IGF2BP3: variants seen among roughly 807,000 people sequenced by gnomAD.
IGF2BP3 encodes the protein insulin like growth factor 2 mRNA binding protein 3.
In IGF2BP3, 9 loss-of-function variants were observed where a neutral mutation model predicts 73.8. The observed-to-expected ratio is 0.12, with a 90% confidence interval of 0.07 to 0.21. IGF2BP3 has a LOEUF of 0.21. IGF2BP3 is among the 10% of genes least tolerant of loss of function. IGF2BP3 has a pLI of 1.00. For missense variants in IGF2BP3, 542 were observed against 714.0 expected (o/e 0.76, Z 2.75); for synonymous variants, 258 against 256.7 (o/e 1.01, Z -0.05).
intron 2 of IGF2BP3, among the ~76,000 whole-genome samples, chr7:23,432,200 T>C (rs1263006822): frequency 3.3e-5 from 5 of 152,170 alleles, no homozygotes; most frequent in African/African-American, 1.2e-4. Flanking sequence ...CAGACGTGCA[T>C]GGATGAAAAC....
At chr7:23,422,414 G>A (rs541061505) in intron 2 of IGF2BP3, among the ~76,000 whole-genome samples, 1 of 152,068 alleles carries the variant, frequency 6.6e-6, no homozygotes, top group Non-Finnish European at 1.5e-5. Flanking sequence ...AATTAGCGTG[G>A]TGTGGTGGCA....
At chr7:23,398,605 T>C (rs377535149) in intron 3 of IGF2BP3, among the ~76,000 whole-genome samples, 5 of 152,328 alleles carry the variant, frequency 3.3e-5, no homozygotes, top group East Asian at 1.9e-4. Flanking sequence ...GATTGCCATT[T>C]TAACTGGTAT....
chr7:23,461,756 C>T (rs975109357), intron 2 of IGF2BP3, among the ~76,000 whole-genome samples: 1 of 152,166 alleles, frequency 6.6e-6, no homozygotes, highest in Admixed American at 6.5e-5. Context: ...ACCACTACTC[C>T]ACCCTTCCTT....
intron 3 of IGF2BP3, among the ~76,000 whole-genome samples, chr7:23,366,610 T>C (rs1785380078): frequency 7.0e-6 from 1 of 143,256 alleles, no homozygotes; most frequent in African/African-American, 2.6e-5. Context: ...TTAGAAGAAA[T>C]AGGTGCAGAA....
intron 3 of IGF2BP3, among the ~76,000 whole-genome samples, chr7:23,400,821 A>T (rs1304789687): frequency 6.6e-6 from 1 of 152,156 alleles, no homozygotes; most frequent in Non-Finnish European, 1.5e-5. Flanking sequence ...TTTTTCTGAG[A>T]TGGAGCCTTG....
intron 3 of IGF2BP3, among the ~76,000 whole-genome samples, chr7:23,380,290 A>T (rs1785868521): frequency 6.6e-6 from 1 of 150,868 alleles, no homozygotes. Context: ...CAGCCTCCCG[A>T]GTACTAGGAC....
At chr7:23,396,699 G>A (rs569342796) in intron 3 of IGF2BP3, among the ~76,000 whole-genome samples, 2 of 149,426 alleles carry the variant, frequency 1.3e-5, no homozygotes, top group African/African-American at 2.4e-5. Context: ...TAAGACTGTT[G>A]GGGGGGAAAA....
chr7:23,433,573 T>C (rs759384426), intron 2 of IGF2BP3, among the ~76,000 whole-genome samples: 1 of 151,878 alleles, frequency 6.6e-6, no homozygotes, highest in Non-Finnish European at 1.5e-5. Context: ...CTCAACCTCT[T>C]GGGCTCAAGC....
chr7:23,399,061 T>C (rs888045235), intron 3 of IGF2BP3, among the ~76,000 whole-genome samples: 2 of 152,238 alleles, frequency 1.3e-5, no homozygotes, highest in Non-Finnish European at 2.9e-5. Flanking sequence ...TCTAAGTCTT[T>C]AATCCATCTT....
At chr7:23,346,173 T>C in intron 7 of IGF2BP3, 111 bp from the exon 8 acceptor site, 22 of 1,233,090 alleles carry the variant, frequency 1.8e-5, no homozygotes, top group Non-Finnish European at 2.5e-5. Flanking sequence ...TGGGAAGCAC[T>C]GTGTTAGGTA....
intron 14 of IGF2BP3, 73 bp from the exon 15 acceptor site, chr7:23,312,533 A>G (rs1783861219): frequency 1.8e-6 from 2 of 1,111,276 alleles, no homozygotes; most frequent in Non-Finnish European, 2.8e-6. Flanking sequence ...CTTCATTTCA[A>G]CAATTTCAAA....
rs1788664210 is a variant in IGF2BP3, at chr7:23,469,718, C to T, written c.175+218G>A. ...GCTTTCTTGACAGCGCGTTCGCCCT[C>T]ACCCAGCAAACCCCGGCCGGGGAAG... On this transcript the variant is annotated intron_variant, in intron 1 of 14. Transcript: ENST00000258729. This position sits in a 1 kb window ranked among gnomAD's most constrained non-coding sequence, Gnocchi z 6.1. 6.6e-6 allele frequency among the ~76,000 whole-genome samples: 1 copy of T among 151,700 alleles called. No homozygotes were observed. The highest frequency in any genetic ancestry group is 6.6e-5 in the Admixed American group (1 of 15,246).
At chr7:23,435,005 C>T (rs975766327) in intron 2 of IGF2BP3, among the ~76,000 whole-genome samples, 2 of 151,856 alleles carry the variant, frequency 1.3e-5, no homozygotes, top group Admixed American at 6.6e-5. Flanking sequence ...CACAAAAATC[C>T]TGAAAATGGG....
intron 5 of IGF2BP3, among the ~76,000 whole-genome samples, chr7:23,355,750 T>C (rs971935585): frequency 6.6e-6 from 1 of 152,046 alleles, no homozygotes; most frequent in African/African-American, 2.4e-5. Context: ...TTGGACAATA[T>C]GACAAAACTC....
chr7:23,350,368 T>A (rs765940038), intron 6 of IGF2BP3, among the ~76,000 whole-genome samples: 1 of 152,210 alleles, frequency 6.6e-6, no homozygotes, highest in Non-Finnish European at 1.5e-5. Context: ...GCTTGCACAA[T>A]GGTATTTTTG....
At chr7:23,465,583 T>A (rs918537670) in intron 2 of IGF2BP3, among the ~76,000 whole-genome samples, 43 of 152,092 alleles carry the variant, frequency 2.8e-4, no homozygotes, top group Admixed American at 1.4e-3. Context: ...TCCAATCACC[T>A]CCTGGGCCTG....
chr7:23,411,261 G>A (rs958797721), intron 3 of IGF2BP3, among the ~76,000 whole-genome samples: 4 of 152,204 alleles, frequency 2.6e-5, no homozygotes, highest in Admixed American at 2.0e-4. Context: ...ACCTCATGGT[G>A]TTAGCTTTAT....
chr7:23,406,012 G>A (rs1353482327), intron 3 of IGF2BP3, among the ~76,000 whole-genome samples: 3 of 150,108 alleles, frequency 2.0e-5, no homozygotes, highest in African/African-American at 7.4e-5. Flanking sequence ...GTTCTCTTCA[G>A]AACCTCTGGA....
intron 3 of IGF2BP3, among the ~76,000 whole-genome samples, chr7:23,366,580 CA>C (rs1481780759): frequency 2.0e-5 from 3 of 147,798 alleles, no homozygotes; most frequent in Admixed American, 1.3e-4. Flanking sequence ...AAACCACAAG[CA>C]AAAAAACCCC....
Sources: allele counts gnomAD v4.1 joint callset (sites outside exome capture counted in the v4.1 genomes callset), GRCh38; gene constraint gnomAD v4.1.1; non-coding constraint Gnocchi (gnomAD v3.1); transcripts MANE v1.5; gene names NCBI Gene and HGNC (gene_info 2026-07-23, HGNC 2026-07-21).